The following CREB5 variants were observed in gnomAD, a reference collection of about 807,000 sequenced individuals.
CREB5 encodes the protein cAMP responsive element binding protein 5.
Under a neutral mutation model 57.1 loss-of-function variants are expected in CREB5, and 19 were observed. The observed-to-expected ratio is 0.33, with a 90% confidence interval of 0.23 to 0.49. CREB5 has a LOEUF of 0.49. CREB5 is among the 20% of genes least tolerant of loss of function. CREB5 has a pLI of 0.99. For missense variants in CREB5, 579 were observed against 671.6 expected, an observed-to-expected ratio of 0.86 and a Z score of 1.52; for synonymous variants, 238 against 238.3, an observed-to-expected ratio of 1.00 and a Z score of 0.01.
chr7:28,579,019 A>T (rs1293745696), intron 5 of CREB5, among the ~76,000 whole-genome samples: 1 of 152,222 alleles, frequency 6.6e-6, no homozygotes, highest in Non-Finnish European at 1.5e-5. Context: ...GCAGTGCAAC[A>T]TCATTGCTCT....
intron 5 of CREB5, among the ~76,000 whole-genome samples, chr7:28,667,980 T>C (rs16874644): frequency 0.073 from 11,136 of 152,278 alleles, 615 homozygotes; most frequent in African/African-American, 0.15. Context: ...CACGTCTGCC[T>C]TTCAGTCACA....
chr7:28,615,841 C>T (rs1398060640), intron 5 of CREB5: 3 of 152,248 alleles, frequency 2.0e-5, no homozygotes, highest in African/African-American at 7.2e-5. Context: ...ACACAGCTGC[C>T]AAAGCCTCCA....
intron 4 of CREB5, among the ~76,000 whole-genome samples, chr7:28,552,443 C>G (rs771115454): frequency 2.6e-5 from 4 of 152,148 alleles, no homozygotes; most frequent in Non-Finnish European, 5.9e-5. Context: ...TGTTTCTGGT[C>G]TCTGGTACAC....
chr7:28,806,359 C>A (rs1477244729), intron 8 of CREB5, among the ~76,000 whole-genome samples: 2 of 152,080 alleles, frequency 1.3e-5, no homozygotes, highest in Non-Finnish European at 2.9e-5. Context: ...TCCCAAAATA[C>A]CACTCTTAAA....
chr7:28,504,475 C>T (rs1385400082), intron 3 of CREB5, among the ~76,000 whole-genome samples: 2 of 152,150 alleles, frequency 1.3e-5, no homozygotes, highest in African/African-American at 4.8e-5. Flanking sequence ...GAGCTGGTTT[C>T]AATAAGAACT....
At chr7:28,633,794 A>G (rs1279300366) in intron 5 of CREB5, among the ~76,000 whole-genome samples, 1 of 152,204 alleles carries the variant, frequency 6.6e-6, no homozygotes, top group Non-Finnish European at 1.5e-5. Flanking sequence ...GTGGTCCTAC[A>G]TCTGTCTTTG....
intron 1 of CREB5, among the ~76,000 whole-genome samples, chr7:28,384,223 T>C (rs1787030697): frequency 6.6e-6 from 1 of 152,146 alleles, no homozygotes; most frequent in African/African-American, 2.4e-5. Flanking sequence ...AAAGTACAAT[T>C]GCAAGATTAA....
intron 5 of CREB5, among the ~76,000 whole-genome samples, chr7:28,687,388 G>A (rs911299651): frequency 6.6e-6 from 1 of 151,648 alleles, no homozygotes; most frequent in Non-Finnish European, 1.5e-5. Flanking sequence ...GGGAGAGGGG[G>A]CAAAGGATTG....
chr7:28,320,248 T>C (rs1785471060), intron 1 of CREB5, among the ~76,000 whole-genome samples: 1 of 152,134 alleles, frequency 6.6e-6, no homozygotes, highest in Admixed American at 6.5e-5. Context: ...GTAATCTTGA[T>C]GTAACACCAA....
chr7:28,419,064 C>T (rs1301076345), intron 1 of CREB5, among the ~76,000 whole-genome samples: 2 of 152,214 alleles, frequency 1.3e-5, no homozygotes, highest in East Asian at 3.8e-4. Flanking sequence ...AACTTCTTAA[C>T]ATGGAATCTG....
At chr7:28,753,425 A>G (rs181426727) in intron 7 of CREB5, among the ~76,000 whole-genome samples, 16 of 152,270 alleles carry the variant, frequency 1.1e-4, no homozygotes, top group Admixed American at 9.8e-4. Flanking sequence ...AGAAATACTG[A>G]TGAGAGAGTT....
chr7:28,759,782 G>A (rs1292099972), intron 7 of CREB5, among the ~76,000 whole-genome samples: 1 of 152,234 alleles, frequency 6.6e-6, no homozygotes, highest in Non-Finnish European at 1.5e-5. Context: ...GCAGCTCTGG[G>A]CAGTGGGAAC....
intron 1 of CREB5, among the ~76,000 whole-genome samples, chr7:28,483,408 C>T (rs1370388403): frequency 1.3e-5 from 2 of 152,128 alleles, no homozygotes; most frequent in African/African-American, 2.4e-5. Context: ...TCTTTGTCAA[C>T]CATGAAAAAC....
chr7:28,462,546 T>C (rs903782063), intron 1 of CREB5, among the ~76,000 whole-genome samples: 3 of 152,160 alleles, frequency 2.0e-5, no homozygotes, highest in African/African-American at 7.2e-5. Flanking sequence ...ACCAGCAATA[T>C]ATGAGGACTC....
chr7:28,724,376 T>C, intron 7 of CREB5, 44 bp downstream of exon 7: 2 of 1,530,224 alleles, frequency 1.3e-6, no homozygotes, highest in Non-Finnish European at 1.8e-6. Context: ...CTGTGACTTT[T>C]TCTTTTGAAT....
At chr7:28,602,313 G>A (rs1483166515) in intron 5 of CREB5, among the ~76,000 whole-genome samples, 1 of 152,132 alleles carries the variant, frequency 6.6e-6, no homozygotes, top group Non-Finnish European at 1.5e-5. Context: ...TTATAGTAGA[G>A]CCAGGGTTTC....
At chr7:28,450,514 C>T (rs1789743823) in intron 1 of CREB5, among the ~76,000 whole-genome samples, 1 of 152,144 alleles carries the variant, frequency 6.6e-6, no homozygotes, top group Non-Finnish European at 1.5e-5. Flanking sequence ...TTAGGAAATG[C>T]CCAACATAGA....
At chr7:28,669,655 C>G (rs956719758) in intron 5 of CREB5, among the ~76,000 whole-genome samples, 5 of 152,218 alleles carry the variant, frequency 3.3e-5, no homozygotes, top group Admixed American at 1.3e-4. Context: ...CTATCTTCAA[C>G]ACAGGACCAT....
At chr7:28,508,330 T>G (rs1792567774) in intron 4 of CREB5, among the ~76,000 whole-genome samples, 1 of 152,206 alleles carries the variant, frequency 6.6e-6, no homozygotes, top group South Asian at 2.1e-4. Context: ...TAAAATCACT[T>G]TACAAGAATA....
Sources: allele counts gnomAD v4.1 joint callset (sites outside exome capture counted in the v4.1 genomes callset), GRCh38; gene constraint gnomAD v4.1.1; transcripts MANE v1.5; gene names NCBI Gene and HGNC (gene_info 2026-07-23, HGNC 2026-07-21).